The following FHIT variants were observed in gnomAD, a reference collection of about 807,000 sequenced individuals.
FHIT encodes the protein fragile histidine triad diadenosine triphosphatase.
In FHIT, 19 loss-of-function variants were observed where a neutral mutation model predicts 17.9. That is an observed-to-expected ratio of 1.06 (90% CI 0.74 to 1.56). The LOEUF is 1.56. Among genes scored for constraint, FHIT ranks in the 40% most tolerant of loss-of-function variants. The probability of loss-of-function intolerance (pLI) is 0.00; values close to 1 mark genes in which losing one functional copy is unlikely to be tolerated. For missense variants in FHIT, 248 were observed against 189.2 expected, an observed-to-expected ratio of 1.31 and a Z score of -1.82; for synonymous variants, 81 against 69.7, an observed-to-expected ratio of 1.16 and a Z score of -0.81.
At chr3:59,866,938 G>A (rs9862811) in intron 8 of FHIT, among the ~76,000 whole-genome samples, 5,098 of 151,736 alleles carry the variant, frequency 0.034, 149 homozygotes, top group African/African-American at 0.076. Flanking sequence ...TTTGTGCTTT[G>A]ATTACCTATT....
intron 1 of FHIT, among the ~76,000 whole-genome samples, chr3:61,241,352 C>T (rs570363122): frequency 1.3e-5 from 2 of 152,300 alleles, no homozygotes; most frequent in South Asian, 4.1e-4. Context: ...GCTTAAACAT[C>T]TACTGACAAA....
intron 4 of FHIT, among the ~76,000 whole-genome samples, chr3:60,650,973 A>C (rs1231485764): frequency 3.3e-5 from 5 of 152,128 alleles, no homozygotes; most frequent in Admixed American, 6.5e-5. Context: ...TGAGCACTTC[A>C]TATATATACC....
At chr3:60,420,306 G>C (rs1256874928) in intron 5 of FHIT, among the ~76,000 whole-genome samples, 1 of 151,990 alleles carries the variant, frequency 6.6e-6, no homozygotes, top group Non-Finnish European at 1.5e-5. Context: ...ATCATCCATA[G>C]CATGTATAAC....
chr3:60,412,195 T>C (rs555469429), intron 5 of FHIT, among the ~76,000 whole-genome samples: 28 of 152,148 alleles, frequency 1.8e-4, no homozygotes, highest in African/African-American at 5.3e-4. Flanking sequence ...GGCAACATAG[T>C]GAGACTCCCA....
chr3:61,207,313 T>A (rs1405116030), intron 1 of FHIT, among the ~76,000 whole-genome samples: 1 of 152,206 alleles, frequency 6.6e-6, no homozygotes, highest in Admixed American at 6.5e-5. Context: ...AGCTTTGGTA[T>A]CAGGATGATG....
intron 5 of FHIT, among the ~76,000 whole-genome samples, chr3:60,334,345 A>G (rs1710132424): frequency 6.6e-6 from 1 of 152,224 alleles, no homozygotes; most frequent in South Asian, 2.1e-4. Flanking sequence ...AATGAGGCTC[A>G]GACCAATTTT....
rs543645412 is a variant in FHIT at position 60,321,093 on chromosome 3, G to A, written c.103+215767C>T. Among the ~76,000 whole-genome samples, 27 of 152,222 alleles carry A rather than the reference G, an allele frequency of 1.8e-4. No individual in the cohort carries two copies. In the South Asian group the frequency reaches 5.4e-3, roughly 30 times the overall value. On this transcript the variant is annotated intron_variant, in intron 5 of 9. Transcript: ENST00000492590. ...ATGCTTGTTTCTCTCCTTTGTGGAGGCTCAGGGACTCCCCAACTCTAAGCA... is the reference window on the plus strand; with the variant it reads ...ATGCTTGTTTCTCTCCTTTGTGGAGACTCAGGGACTCCCCAACTCTAAGCA...
chr3:60,118,583 C>A (rs1460366980), intron 5 of FHIT, among the ~76,000 whole-genome samples: 1 of 151,848 alleles, frequency 6.6e-6, no homozygotes, highest in African/African-American at 2.4e-5. Flanking sequence ...TCTTTGGTCT[C>A]CCCAGAGGTA....
chr3:60,613,595 C>T (rs1045078423), intron 4 of FHIT, among the ~76,000 whole-genome samples: 8 of 152,098 alleles, frequency 5.3e-5, no homozygotes, highest in Admixed American at 3.3e-4. Flanking sequence ...TTCCTATATG[C>T]TCCATTTTCA....
At chr3:60,916,734 A>G (rs951751086) in intron 3 of FHIT, among the ~76,000 whole-genome samples, 1 of 152,224 alleles carries the variant, frequency 6.6e-6, no homozygotes, top group Non-Finnish European at 1.5e-5. Flanking sequence ...TCGTTCCAGC[A>G]TTCTCGCCAA....
At chr3:60,347,505 T>A (rs566605571) in intron 5 of FHIT, among the ~76,000 whole-genome samples, 1 of 152,238 alleles carries the variant, frequency 6.6e-6, no homozygotes, top group Admixed American at 6.5e-5. Flanking sequence ...TGCAATTTAC[T>A]AAAACAAAAC....
At chr3:60,298,503 C>CT (rs1482036960) in intron 5 of FHIT, among the ~76,000 whole-genome samples, 1 of 152,156 alleles carries the variant, frequency 6.6e-6, no homozygotes, top group Non-Finnish European at 1.5e-5. Flanking sequence ...TTCGATCTTC[C>CT]AACACTGTGT....
chr3:60,861,233 TATCATATCATATATGATAC>T (rs1453441833), intron 3 of FHIT, among the ~76,000 whole-genome samples: 7 of 20,724 alleles, frequency 3.4e-4, no homozygotes, highest in Admixed American at 9.7e-4. Flanking sequence ...ATATATGATA[TATCATATCATATATGATAC>T]ATATGATATA....
chr3:60,130,784 G>GTATACACATATATATGTGTGTGT (rs148356992), intron 5 of FHIT, among the ~76,000 whole-genome samples: 1,554 of 111,520 alleles, frequency 0.014, 55 homozygotes, highest in Non-Finnish European at 0.023. Flanking sequence ...GTGTGTGTGT[G>GTATACACATATATATGTGTGTGT]GTGTGTATAT....
At chr3:60,963,035 T>G (rs1709539949) in intron 3 of FHIT, among the ~76,000 whole-genome samples, 1 of 152,200 alleles carries the variant, frequency 6.6e-6, no homozygotes, top group Non-Finnish European at 1.5e-5. Flanking sequence ...TCCGGTAGAA[T>G]TCGGCTGTGA....
chr3:60,473,296 C>G (rs1344086510), intron 5 of FHIT, among the ~76,000 whole-genome samples: 1 of 152,156 alleles, frequency 6.6e-6, no homozygotes. Flanking sequence ...ACTTAATTTG[C>G]ATGAGCACTG....
intron 5 of FHIT, among the ~76,000 whole-genome samples, chr3:60,458,843 C>T (rs556790640): frequency 7.2e-5 from 11 of 152,164 alleles, no homozygotes; most frequent in South Asian, 6.2e-4. Context: ...GCACAAATCA[C>T]GGCTCACTGC....
At chr3:60,540,621 T>C (rs760750486) in intron 4 of FHIT, among the ~76,000 whole-genome samples, 1 of 152,228 alleles carries the variant, frequency 6.6e-6, no homozygotes, top group Non-Finnish European at 1.5e-5. Flanking sequence ...CTGATTGTTG[T>C]TGCTGGTGTG....
intron 4 of FHIT, among the ~76,000 whole-genome samples, chr3:60,714,657 C>A (rs371672775): frequency 1.3e-5 from 2 of 152,214 alleles, no homozygotes; most frequent in Admixed American, 6.5e-5. Flanking sequence ...AACAGAGAGC[C>A]AAATCATGAG....
Sources: gnomAD v4.1 joint callset for allele counts (sites outside exome capture counted in the v4.1 genomes callset) on GRCh38, gnomAD v4.1.1 for gene constraint, MANE v1.5 for transcripts, NCBI Gene and HGNC (gene_info 2026-07-23, HGNC 2026-07-21) for gene names.